The following SHROOM4 variants were observed in gnomAD, a reference collection of about 807,000 sequenced individuals.
SHROOM4 encodes the protein protein Shroom4.
Under a neutral mutation model 80.3 loss-of-function variants are expected in SHROOM4, and 17 were observed. The ratio of observed to expected loss-of-function variants is 0.21; its 90% CI spans 0.14 to 0.32. The LOEUF (loss-of-function observed/expected upper bound fraction) is 0.32. SHROOM4 is among the 10% of genes least tolerant of loss of function. The pLI is 1.00. For missense variants in SHROOM4, 993 were observed against 1,140.3 expected, an observed-to-expected ratio of 0.87 and a Z score of 1.86; for synonymous variants, 400 against 437.5, an observed-to-expected ratio of 0.91 and a Z score of 1.07.
At chrX:50,625,225 C>A (rs1930748268) in intron 5 of SHROOM4, among the ~76,000 whole-genome samples, 1 of 112,027 alleles carries the variant, frequency 8.9e-6, no homozygotes, top group Admixed American at 9.4e-5. Context: ...CAAAATATTT[C>A]TGCTGCATTA....
intron 5 of SHROOM4, among the ~76,000 whole-genome samples, chrX:50,608,794 T>C (rs1929817397): frequency 1.8e-5 from 2 of 112,561 alleles, no homozygotes; most frequent in Admixed American, 1.9e-4. Flanking sequence ...TTATGTTTTA[T>C]GACTGTTTCT....
At chrX:50,744,658 T>C (rs1934738093) in intron 1 of SHROOM4, among the ~76,000 whole-genome samples, 1 of 112,344 alleles carries the variant, frequency 8.9e-6, no homozygotes, top group South Asian at 3.7e-4. Context: ...ACTTATTTTT[T>C]GGCAATGCTC....
rs1364010031 is a variant in SHROOM4, at chrX:50,634,694, G to A, written c.1379C>T (p.Pro460Leu). The A allele has an allele frequency of 1.7e-6, 2 of 1,209,930 alleles. No individual in the cohort carries two copies. The highest frequency in any genetic ancestry group is 2.2e-6 in the Non-Finnish European group (2 of 895,274). Residue 460 changes from proline (P) to leucine (L), a missense_variant, in exon 4 of 9, where the codon CCA (proline) becomes CTA (leucine). Pro to Leu is a moderately conservative substitution (Grantham distance 98). Coordinates refer to ENST00000376020, the MANE Select transcript of SHROOM4 (RefSeq NM_020717.5). The part of the protein sequence containing the change: ...LHSSHKGKKS[P>L]CPPTGGTHDQ... ...ATGGGTTCCTCCTGTAGGGGGGCAT[G>A]GACTTTTCTTCCCTTTGTGGCTGCT...
chrX:50,687,299 C>G, intron 2 of SHROOM4: 1 of 97,314 alleles, frequency 1.0e-5, no homozygotes. Flanking sequence ...CAGCTATAGA[C>G]AACACATAGA....
intron 1 of SHROOM4, among the ~76,000 whole-genome samples, chrX:50,783,911 A>G (rs1192323956): frequency 8.9e-6 from 1 of 112,255 alleles, no homozygotes; most frequent in East Asian, 2.8e-4. Flanking sequence ...CAAACAAGGA[A>G]TAGCCAAAAC....
At chrX:50,670,008 CG>C (rs1386334960) in intron 2 of SHROOM4, among the ~76,000 whole-genome samples, 1 of 111,988 alleles carries the variant, frequency 8.9e-6, no homozygotes, top group Non-Finnish European at 1.9e-5. Context: ...GACATCAAAA[CG>C]GTGAATCCCT....
intron 5 of SHROOM4, among the ~76,000 whole-genome samples, chrX:50,624,265 G>A (rs1284839632): frequency 4.5e-5 from 5 of 111,595 alleles, no homozygotes; most frequent in Admixed American, 3.8e-4. Flanking sequence ...TATGCCTACC[G>A]CTTTACTGAA....
intron 1 of SHROOM4, among the ~76,000 whole-genome samples, chrX:50,707,392 T>C (rs1327900935): frequency 8.9e-6 from 1 of 112,447 alleles, no homozygotes; most frequent in Non-Finnish European, 1.9e-5. Context: ...GTTTTCTGAT[T>C]GGGATTTAGA....
chrX:50,625,957 G>C (rs915095180), intron 5 of SHROOM4, among the ~76,000 whole-genome samples: 1 of 112,087 alleles, frequency 8.9e-6, no homozygotes, highest in Admixed American at 9.5e-5. Flanking sequence ...TTTCCTGAGA[G>C]TTTACGGTGT....
At chrX:50,627,774 G>T in intron 4 of SHROOM4, 99 bp from the exon 5 acceptor site, 1 of 685,714 alleles carries the variant, frequency 1.5e-6, no homozygotes, top group South Asian at 2.3e-5. Flanking sequence ...GTCTGGCCCA[G>T]CCCCCCAGCT....
At chrX:50,729,922 A>G (rs1934330286) in intron 1 of SHROOM4, among the ~76,000 whole-genome samples, 1 of 111,819 alleles carries the variant, frequency 8.9e-6, no homozygotes, top group Non-Finnish European at 1.9e-5. Context: ...AGGCAAAATA[A>G]TGATGTTCCC....
intron 2 of SHROOM4, among the ~76,000 whole-genome samples, chrX:50,654,091 A>G (rs782530498): frequency 8.9e-6 from 1 of 111,804 alleles, no homozygotes; most frequent in Non-Finnish European, 1.9e-5. Context: ...ACCTTTAGCT[A>G]TCAGTGCTAT....
At position 50,711,796 on chromosome X, in the gene SHROOM4, G is replaced by A. The variant is rs72619075; in HGVS notation, c.118-15859C>T. Reference sequence around the variant, plus strand: ...AATTTAAAACATTCTGTTATAAAACGTCAGAAACACACAAAAACAAGTAAA... The same window carrying A: ...AATTTAAAACATTCTGTTATAAAACATCAGAAACACACAAAAACAAGTAAA... On this transcript the variant is annotated intron_variant, in intron 1 of 8. Transcript: ENST00000376020. Among the ~76,000 whole-genome samples the A allele has an allele frequency of 4.9e-4, 55 of 112,104 alleles. No homozygotes were observed. The East Asian group carries it at 0.013, about 26-fold the overall frequency.
chrX:50,663,759 T>G (rs1036304905), intron 2 of SHROOM4, among the ~76,000 whole-genome samples: 1 of 111,217 alleles, frequency 9.0e-6, no homozygotes, highest in Non-Finnish European at 1.9e-5. Flanking sequence ...AGTGTTATGT[T>G]TTCTTCCTCT....
At chrX:50,764,320 C>T (rs1935224137) in intron 1 of SHROOM4, among the ~76,000 whole-genome samples, 1 of 110,602 alleles carries the variant, frequency 9.0e-6, no homozygotes, top group African/African-American at 3.3e-5. Context: ...GAAGGAACCT[C>T]AGTCTTCTTG....
At chrX:50,769,999 T>G (rs1331005112) in intron 1 of SHROOM4, among the ~76,000 whole-genome samples, 2 of 110,689 alleles carry the variant, frequency 1.8e-5, no homozygotes, top group Non-Finnish European at 3.8e-5. Context: ...AGAAGATGTT[T>G]ACTTCCAGAG....
intron 1 of SHROOM4, among the ~76,000 whole-genome samples, chrX:50,798,390 C>A (rs1248640628): frequency 8.9e-6 from 1 of 112,064 alleles, no homozygotes; most frequent in Non-Finnish European, 1.9e-5. Flanking sequence ...TGTTTTTTAA[C>A]AAGCTTCCCA....
intron 1 of SHROOM4, among the ~76,000 whole-genome samples, chrX:50,777,504 T>C (rs1218583717): frequency 8.9e-6 from 1 of 112,037 alleles, no homozygotes; most frequent in Admixed American, 9.5e-5. Context: ...TAAACTATAA[T>C]GCATTCATAT....
At chrX:50,628,420 T>G (rs1378430812) in intron 4 of SHROOM4, among the ~76,000 whole-genome samples, 1 of 111,726 alleles carries the variant, frequency 9.0e-6, no homozygotes, top group Non-Finnish European at 1.9e-5. Flanking sequence ...CTTCCTATTT[T>G]AGCTCCAAAC....
Sources: gnomAD v4.1 joint callset for allele counts (sites outside exome capture counted in the v4.1 genomes callset) on GRCh38, gnomAD v4.1.1 for gene constraint, MANE v1.5 for transcripts, NCBI Gene and HGNC (gene_info 2026-07-23, HGNC 2026-07-21) for gene names.